The following WDR18 variants were observed in gnomAD, a reference collection of about 807,000 sequenced individuals.
WDR18 encodes the protein WD repeat-containing protein 18.
A neutral mutation model predicts 49.6 loss-of-function variants in WDR18; 33 were observed. The observed-to-expected ratio is 0.67, with a 90% CI of 0.50 to 0.89. The LOEUF is 0.89. WDR18 is among the 40% of genes least tolerant of loss of function. The pLI is 0.00. For missense variants in WDR18, 653 were observed against 593.6 expected (o/e 1.10, Z -1.04); for synonymous variants, 315 against 263.6 (o/e 1.19, Z -1.89).
intron 2 of WDR18, among the ~76,000 whole-genome samples, chr19:987,332 G>C (rs2145504268): frequency 6.6e-6 from 1 of 152,304 alleles, no homozygotes; most frequent in South Asian, 2.1e-4. Flanking sequence ...GACAGAGCAA[G>C]ACCTTGTCTC....
upstream of WDR18, chr19:984,265 G>A: frequency 7.4e-7 from 1 of 1,343,464 alleles, no homozygotes; most frequent in South Asian, 1.7e-5. Context: ...CACCCGCTGG[G>A]GCCGCGGGGC....
At chr19:985,297 C>T (rs1320196574) in intron 1 of WDR18, among the ~76,000 whole-genome samples, 1 of 152,186 alleles carries the variant, frequency 6.6e-6, no homozygotes, top group Non-Finnish European at 1.5e-5. Flanking sequence ...TCCTGAGTAG[C>T]TGCAACTACA....
intron 1 of WDR18, among the ~76,000 whole-genome samples, chr19:985,079 C>T (rs1400884686): frequency 6.6e-6 from 1 of 152,186 alleles, no homozygotes; most frequent in African/African-American, 2.4e-5. Context: ...CTACTCGCTT[C>T]CCCCGTGTGC....
chr19:991,988 C>A lies in WDR18; in HGVS notation c.965C>A (p.Pro322His). The change falls in exon 8 of 10, where the codon CCC (proline) becomes CAC (histidine). Residue 322 changes from proline to histidine, a missense_variant. Transcript: ENST00000585809. ...PVTNAAILLA[P>H]VSMLSSDFRP... The stretch of plus-strand genomic sequence containing the variant: ...ACCAATGCCGCCATCCTGCTGGCGC[C>A]CGTCAGCATGCTGAGCTCAGACTTC... 1 of 1,597,248 alleles carries A rather than the reference C, an allele frequency of 6.3e-7. No individual in the cohort carries two copies. Among genetic ancestry groups the A allele is most frequent in the East Asian group, 2.3e-5 (1 of 43,934 alleles).
rs1004607166 is a variant in WDR18, at chr19:988,782, C to T, written c.322-980C>T. On this transcript the variant is annotated intron_variant, in intron 2 of 9. Coordinates refer to ENST00000585809, the MANE Select transcript of WDR18 (RefSeq NM_024100.4). ...TGACTGTCCCCTGCCTCTGCTGCCA[C>T]CACTGCCGCGTGGAGCCCCTGTGTG... is the stretch of plus-strand genomic sequence containing the variant. Among the ~76,000 whole-genome samples, 11 of 152,272 alleles carry T rather than the reference C, an allele frequency of 7.2e-5. No individual in the cohort carries two copies. The East Asian group carries it at 1.7e-3, about 24-fold the overall frequency.
At chr19:990,433 G>C in intron 4 of WDR18, 69 bp downstream of exon 4, 1 of 1,452,514 alleles carries the variant, frequency 6.9e-7, no homozygotes, top group Non-Finnish European at 9.1e-7. Flanking sequence ...AGCCAGGAAT[G>C]CAGGAATCGC....
intron 1 of WDR18, 110 bp downstream of exon 1, chr19:984,673 G>A (rs983291676): frequency 5.2e-6 from 6 of 1,163,398 alleles, no homozygotes; most frequent in African/African-American, 3.3e-5. Context: ...CGTGGGGAGG[G>A]GAGGTGGTCT....
Position 991,990 on chromosome 19 carries a change from G to A in WDR18, c.967G>A (p.Val323Ile). The change falls in exon 8 of 10, where the codon GTC becomes ATC. Residue 323 changes from valine to isoleucine, a missense_variant. Physicochemically the swap from Val to Ile is conservative, Grantham distance 29. Coordinates refer to ENST00000585809, the MANE Select transcript of WDR18 (RefSeq NM_024100.4). ...CAATGCCGCCATCCTGCTGGCGCCC[G>A]TCAGCATGCTGAGCTCAGACTTCAG... ...VTNAAILLAPVSMLSSDFRPS... is the reference protein window; with the variant it reads ...VTNAAILLAPISMLSSDFRPS... 1 of 1,597,086 alleles carries A rather than the reference G, an allele frequency of 6.3e-7. No individual in the cohort carries two copies.
At chr19:993,242 C>T (rs1033376920) in intron 8 of WDR18, among the ~76,000 whole-genome samples, 5 of 152,362 alleles carry the variant, frequency 3.3e-5, no homozygotes, top group Admixed American at 6.5e-5. Context: ...GCCAGCTCCA[C>T]GCTAGGGCGC....
chr19:983,946 G>A (rs2038445382), upstream of WDR18, among the ~76,000 whole-genome samples: 1 of 152,178 alleles, frequency 6.6e-6, no homozygotes, highest in Admixed American at 6.5e-5. Flanking sequence ...TGCTGGGTGT[G>A]CGCTCTCTCT....
rs141112117 is a variant in WDR18, at chr19:990,035, T to A, written c.455+140T>A. 1.9e-4 allele frequency: 266 copies of A among 1,420,600 alleles called. 1 individual carries two copies. The East Asian group carries it at 6.1e-3, about 33-fold the overall frequency. 88.0% of individuals were successfully genotyped at this position (1,420,600 alleles called of 1,614,324 possible). On this transcript the variant is annotated intron_variant, in intron 3 of 9. Coordinates refer to ENST00000585809, the MANE Select transcript of WDR18 (RefSeq NM_024100.4). ...GAGGACGGAGTGATCATCCCAGGGG[T>A]CCTGGCTGCCCACACTGGGGTCTGG... is the stretch of plus-strand genomic sequence containing the variant.
chr19:984,397 C>A lies in WDR18; in HGVS notation c.44C>A (p.Ala15Asp), dbSNP rs1282492984. 6.2e-7 allele frequency: 1 copy of A among 1,601,914 alleles called. No homozygotes were observed. The highest frequency in any genetic ancestry group is 2.3e-5 in the East Asian group (1 of 43,352). The change falls in exon 1 of 10, where the codon GCC becomes GAC. Residue 15 changes from alanine to aspartate, a missense_variant. Coordinates refer to ENST00000585809, the MANE Select transcript of WDR18 (RefSeq NM_024100.4). ...GTGGCCGTGTGTACGGACTCGGCGG[C>A]CCCGATGTGGAGCTGCATCGTGTGG... ...MEVAVCTDSA[A>D]PMWSCIVWEL...
In WDR18 at chr19:994,329, G is replaced by C. The variant is rs962226469; in HGVS notation, c.1284G>C (p.Thr428=). The C allele has an allele frequency of 6.2e-7, 1 of 1,609,608 alleles. No homozygotes were observed. Among genetic ancestry groups the C allele is most frequent in the African/African-American group, 1.3e-5 (1 of 74,890 alleles). ...TCGACTTCTCCACGCGCTTCATCAC[G>C]CGGCCGGCCAAGTGAGGCCCGGAGA... ...DLFDFSTRFI[T]RPAK The change falls in exon 10 of 10, where the codon ACG becomes ACC. Residue 428 remains threonine (T), a synonymous_variant. Transcript: ENST00000585809.
intron 8 of WDR18, among the ~76,000 whole-genome samples, chr19:992,984 A>G (rs2038579593): frequency 6.6e-6 from 1 of 152,146 alleles, no homozygotes; most frequent in South Asian, 2.1e-4. Flanking sequence ...GCACCAGGAG[A>G]TGCCGTTATC....
chr19:988,677 G>A (rs1221290848), intron 2 of WDR18, among the ~76,000 whole-genome samples: 1 of 152,116 alleles, frequency 6.6e-6, no homozygotes, highest in Non-Finnish European at 1.5e-5. Context: ...GTGGGGCCAC[G>A]CTGCCCCTGG....
chr19:994,408 C>A lies in WDR18; in HGVS notation c.*64C>A, dbSNP rs1401560852. The A allele has an allele frequency of 3.2e-6, 5 of 1,541,058 alleles. 1 individual carries two copies. The highest frequency in any genetic ancestry group is 1.9e-5 in the Admixed American group (1 of 52,114). On this transcript the variant is annotated 3_prime_UTR_variant, in exon 10 of 10. Coordinates refer to ENST00000585809, the MANE Select transcript of WDR18 (RefSeq NM_024100.4). ...CCCATGCCTCCCAGCAACCAGGGCC[C>A]GCGGGTGTGGCCCCCACCAGCCCAG... is the stretch of plus-strand genomic sequence containing the variant.
Position 994,405 on chromosome 19 carries a change from G to A in WDR18, c.*61G>A. 2 of 1,544,606 alleles carry A rather than the reference G, an allele frequency of 1.3e-6. No homozygotes were observed. Among genetic ancestry groups the A allele is most frequent in the Admixed American group, 1.9e-5 (1 of 52,412 alleles). On this transcript the variant is annotated 3_prime_UTR_variant, in exon 10 of 10. Coordinates refer to ENST00000585809, the MANE Select transcript of WDR18 (RefSeq NM_024100.4). ...AGCCCCATGCCTCCCAGCAACCAGG[G>A]CCCGCGGGTGTGGCCCCCACCAGCC...
chr19:988,199 G>A (rs181255302), intron 2 of WDR18, among the ~76,000 whole-genome samples: 58 of 152,204 alleles, frequency 3.8e-4, no homozygotes, highest in African/African-American at 1.3e-3. Context: ...AGCTCAGGCC[G>A]GGACTGCCTC....
chr19:990,259 C>G lies in WDR18; in HGVS notation c.492C>G (p.Pro164=). Residue 164 remains proline, a synonymous_variant, in exon 4 of 10, where the codon CCC becomes CCG. Coordinates refer to ENST00000585809, the MANE Select transcript of WDR18 (RefSeq NM_024100.4). ...LQADPSRIPA[P]RHVWSHHALP... ...CCGACCCCTCCAGGATTCCGGCGCC[C>G]AGGCACGTCTGGTCTCACCACGCGC... 1.9e-6 allele frequency: 3 copies of G among 1,599,204 alleles called. No homozygotes were observed. Among genetic ancestry groups the G allele is most frequent in the Non-Finnish European group, 2.5e-6 (3 of 1,179,334 alleles).
Sources: gnomAD v4.1 joint callset for allele counts (sites outside exome capture counted in the v4.1 genomes callset) on GRCh38, gnomAD v4.1.1 for gene constraint, MANE v1.5 for transcripts, NCBI Gene and HGNC (gene_info 2026-07-23, HGNC 2026-07-21) for gene names.